Variants in IGSF11 observed in about 807,000 individuals in gnomAD.
The protein encoded by IGSF11 is immunoglobulin superfamily member 11.
A neutral mutation model predicts 41.0 loss-of-function variants in IGSF11; 22 were observed. That is an observed-to-expected ratio of 0.54 (90% CI 0.38 to 0.77). IGSF11 has a LOEUF of 0.77. IGSF11 is among the 30% of genes least tolerant of loss of function. The pLI, the probability that IGSF11 is intolerant of heterozygous loss-of-function variation, is 0.00. For missense variants in IGSF11, 444 were observed against 530.8 expected, an observed-to-expected ratio of 0.84 and a Z score of 1.61; for synonymous variants, 219 against 201.3, an observed-to-expected ratio of 1.09 and a Z score of -0.74.
At chr3:119,056,262 G>C (rs1201278847) in intron 1 of IGSF11, among the ~76,000 whole-genome samples, 2 of 151,970 alleles carry the variant, frequency 1.3e-5, no homozygotes, top group African/African-American at 4.8e-5. Flanking sequence ...GAATCAAATA[G>C]ACGCAATAAA....
At chr3:119,128,376 G>A (rs2077432728) in intron 1 of IGSF11, among the ~76,000 whole-genome samples, 1 of 151,598 alleles carries the variant, frequency 6.6e-6, no homozygotes, top group East Asian at 1.9e-4. Context: ...GAAAGAGAGA[G>A]AGAAACAGAG....
chr3:118,968,044 G>A (rs973350980), intron 1 of IGSF11, among the ~76,000 whole-genome samples: 4 of 152,194 alleles, frequency 2.6e-5, no homozygotes, highest in Non-Finnish European at 5.9e-5. Flanking sequence ...TGACTTACAA[G>A]TAGGGTACTG....
At chr3:119,005,535 G>T (rs1053661302) in intron 1 of IGSF11, among the ~76,000 whole-genome samples, 14 of 141,416 alleles carry the variant, frequency 9.9e-5, no homozygotes, top group African/African-American at 3.8e-4. Flanking sequence ...TTGCTCGTTA[G>T]TTGATGCAGT....
chr3:119,137,794 T>G (rs2077582676), intron 1 of IGSF11, among the ~76,000 whole-genome samples: 1 of 152,080 alleles, frequency 6.6e-6, no homozygotes, highest in African/African-American at 2.4e-5. Context: ...AGAGAAAATA[T>G]TTTCAAACTA....
intron 1 of IGSF11, among the ~76,000 whole-genome samples, chr3:118,933,236 T>G (rs1942994213): frequency 1.3e-5 from 2 of 152,214 alleles, no homozygotes; most frequent in Non-Finnish European, 2.9e-5. Flanking sequence ...TAAAATGTGG[T>G]ACTTTCATCT....
intron 1 of IGSF11, among the ~76,000 whole-genome samples, chr3:119,057,181 T>C (rs1390101140): frequency 6.6e-6 from 1 of 152,164 alleles, no homozygotes; most frequent in Non-Finnish European, 1.5e-5. Flanking sequence ...GGAAGTCAAA[T>C]TGTCCCTGTT....
At chr3:118,967,266 A>G (rs1312767746) in intron 1 of IGSF11, among the ~76,000 whole-genome samples, 1 of 152,136 alleles carries the variant, frequency 6.6e-6, no homozygotes, top group Non-Finnish European at 1.5e-5. Flanking sequence ...TATAACAGTC[A>G]TAATTTGAGT....
At chr3:118,968,386 G>A (rs966017610) in intron 1 of IGSF11, among the ~76,000 whole-genome samples, 1 of 152,146 alleles carries the variant, frequency 6.6e-6, no homozygotes, top group African/African-American at 2.4e-5. Flanking sequence ...GAGAAAAGAA[G>A]ATCTAGCTTC....
intron 1 of IGSF11, among the ~76,000 whole-genome samples, chr3:118,995,642 CTTGT>C (rs62704461): frequency 0.025 from 3,597 of 145,454 alleles, 142 homozygotes; most frequent in African/African-American, 0.084. Context: ...TTATGGTTTG[CTTGT>C]TTATTTATTT....
intron 1 of IGSF11, among the ~76,000 whole-genome samples, chr3:118,941,727 T>C (rs889069084): frequency 1.3e-5 from 2 of 152,068 alleles, no homozygotes; most frequent in Non-Finnish European, 2.9e-5. Context: ...CAAATGCCCA[T>C]CAACTTGCAA....
chr3:119,043,479 C>T (rs542160157), intron 1 of IGSF11, among the ~76,000 whole-genome samples: 3 of 152,166 alleles, frequency 2.0e-5, no homozygotes, highest in South Asian at 4.1e-4. Context: ...ATGTCTCTCA[C>T]AACCATGCTC....
intron 4 of IGSF11, 98 bp from the exon 5 acceptor site, chr3:118,905,816 G>A: frequency 7.4e-7 from 1 of 1,352,324 alleles, no homozygotes; most frequent in Non-Finnish European, 1.0e-6. Flanking sequence ...ACACTGGAGA[G>A]CTATCAATAA....
chr3:118,939,056 C>A (rs1943485057), intron 1 of IGSF11, among the ~76,000 whole-genome samples: 1 of 152,106 alleles, frequency 6.6e-6, no homozygotes, highest in South Asian at 2.1e-4. Context: ...ACACAGAAGA[C>A]CTGAACAATG....
At chr3:118,914,123 G>C (rs922611453) in intron 4 of IGSF11, among the ~76,000 whole-genome samples, 1 of 151,844 alleles carries the variant, frequency 6.6e-6, no homozygotes, top group Non-Finnish European at 1.5e-5. Flanking sequence ...TAAGCACGAA[G>C]AGAAATACAC....
chr3:119,118,686 A>G (rs1324350197), intron 1 of IGSF11, among the ~76,000 whole-genome samples: 1 of 152,034 alleles, frequency 6.6e-6, no homozygotes, highest in Non-Finnish European at 1.5e-5. Flanking sequence ...AAAAAATGGG[A>G]TTTTCTTTTC....
At position 118,952,805 on chromosome 3, in the gene IGSF11, G is replaced by C; in HGVS notation, c.53-22530C>G. 1.3e-5 allele frequency among the ~76,000 whole-genome samples: 2 copies of C among 152,182 alleles called. 1 individual carries two copies. The highest frequency in any genetic ancestry group is 4.1e-4 in the South Asian group (2 of 4,824). On this transcript the variant is annotated intron_variant, in intron 1 of 6. Transcript: ENST00000393775. The stretch of plus-strand genomic sequence containing the variant: ...CACTTAAAGGAATTATATTAATAAA[G>C]TTTTGAATGCACTGATCAAATAGTG...
At chr3:119,055,028 G>A (rs1356939643) in intron 1 of IGSF11, among the ~76,000 whole-genome samples, 5 of 152,274 alleles carry the variant, frequency 3.3e-5, no homozygotes, top group African/African-American at 9.6e-5. Context: ...ACCAATATCC[G>A]TTGTTCTGCA....
At chr3:118,982,770 A>C (rs1238366732) in intron 1 of IGSF11, among the ~76,000 whole-genome samples, 1 of 152,210 alleles carries the variant, frequency 6.6e-6, no homozygotes, top group Non-Finnish European at 1.5e-5. Context: ...TTTAGTATTC[A>C]TCTACCAATA....
At chr3:118,979,193 C>G (rs763098069) in intron 1 of IGSF11, among the ~76,000 whole-genome samples, 1 of 151,980 alleles carries the variant, frequency 6.6e-6, no homozygotes, top group African/African-American at 2.4e-5. Flanking sequence ...AATATTAGAA[C>G]GTGAAGACAG....
Sources: gnomAD v4.1 joint callset for allele counts (sites outside exome capture counted in the v4.1 genomes callset) on GRCh38, gnomAD v4.1.1 for gene constraint, MANE v1.5 for transcripts, NCBI Gene and HGNC (gene_info 2026-07-23, HGNC 2026-07-21) for gene names.